PROM1: variants seen among roughly 807,000 people sequenced by gnomAD.
PROM1 encodes the protein prominin 1.
Under a neutral mutation model 116.9 loss-of-function variants are expected in PROM1, and 105 were observed. The observed-to-expected ratio is 0.90, with a 90% CI of 0.77 to 1.06. The LOEUF (loss-of-function observed/expected upper bound fraction) is 1.06, where lower values mean the gene tolerates loss of function less well. PROM1 is among the 50% of genes least tolerant of loss of function. PROM1 has a pLI of 0.00. For missense variants in PROM1, 1,122 were observed against 1,045.2 expected (o/e 1.07, Z -1.01); for synonymous variants, 393 against 387.0 (o/e 1.02, Z -0.18).
chr4:16,028,630 A>AT (rs1731949959), intron 5 of PROM1, among the ~76,000 whole-genome samples: 1 of 152,088 alleles, frequency 6.6e-6, no homozygotes, highest in Non-Finnish European at 1.5e-5. Context: ...TGTTCAGTGT[A>AT]TTTTTTAGCA....
chr4:16,048,542 T>C (rs993561614), intron 2 of PROM1, among the ~76,000 whole-genome samples: 4 of 152,122 alleles, frequency 2.6e-5, no homozygotes, highest in African/African-American at 9.7e-5. Context: ...CCTCCACAAA[T>C]ATAACAAAGT....
intron 8 of PROM1, among the ~76,000 whole-genome samples, chr4:16,021,680 C>A (rs887927775): frequency 6.6e-6 from 1 of 152,314 alleles, no homozygotes; most frequent in East Asian, 1.9e-4. Flanking sequence ...ATTTCCAATT[C>A]TCCCTCCAGA....
chr4:16,061,928 G>A (rs1740415211), intron 2 of PROM1, among the ~76,000 whole-genome samples: 1 of 128,376 alleles, frequency 7.8e-6, no homozygotes, highest in East Asian at 2.3e-4. Context: ...GTCTCGCTCT[G>A]TCGCCCAGGC....
intron 4 of PROM1, among the ~76,000 whole-genome samples, chr4:16,034,310 T>C (rs184440725): frequency 2.6e-5 from 4 of 152,298 alleles, no homozygotes; most frequent in Admixed American, 6.5e-5. Flanking sequence ...ACAAGGTTCC[T>C]CCTCTGATAC....
chr4:16,002,021 C>T (rs992555802), intron 13 of PROM1, among the ~76,000 whole-genome samples: 2 of 152,108 alleles, frequency 1.3e-5, no homozygotes, highest in African/African-American at 4.8e-5. Flanking sequence ...GCTTCTGGCA[C>T]TGCAGAGAAG....
chr4:16,075,985 A>G lies in PROM1; in HGVS notation c.-79T>C. On this transcript the variant is annotated 5_prime_UTR_variant, in exon 2 of 28. Transcript: ENST00000447510. ...GCTTCTGGAAGCCTTGGGGAAGGCA[A>G]GCGTGTTCCTGGGCAGAAGAGGAGC... 6.8e-7 allele frequency: 1 copy of G among 1,480,732 alleles called. No homozygotes were observed. The highest frequency in any genetic ancestry group is 1.4e-5 in the South Asian group (1 of 71,056). 91.7% of individuals were successfully genotyped at this position (1,480,732 alleles called of 1,614,324 possible). A position where few individuals can be genotyped will look rare whatever the true frequency, so the allele number is the denominator to read the frequency against.
intron 4 of PROM1, among the ~76,000 whole-genome samples, chr4:16,035,179 G>A (rs1733684314): frequency 6.6e-6 from 1 of 152,100 alleles, no homozygotes; most frequent in Admixed American, 6.6e-5. Context: ...CTTCCTCGAG[G>A]ACCAATACCA....
chr4:16,008,998 T>G lies in PROM1; in HGVS notation c.1252A>C (p.Ser418Arg). ...GTAGGTAAATTTCTGTGGATGTAACTTTCAGTGTTATTAACATAAACAGAG... is the reference window on the plus strand; with the variant it reads ...GTAGGTAAATTTCTGTGGATGTAACGTTCAGTGTTATTAACATAAACAGAG... ...AFSVYVNNTESYIHRNLPTLE... is the reference protein window; with the variant it reads ...AFSVYVNNTERYIHRNLPTLE... The change falls in exon 12 of 28, where the codon AGT becomes CGT. Residue 418 changes from serine (S) to arginine (R), a missense_variant. By Grantham distance (110) the Ser-to-Arg change is moderately radical. Coordinates refer to ENST00000447510, the MANE Select transcript of PROM1 (RefSeq NM_006017.3). The G allele has an allele frequency of 6.3e-7, 1 of 1,596,440 alleles. No individual in the cohort carries two copies. The highest frequency in any genetic ancestry group is 8.6e-7 in the Non-Finnish European group (1 of 1,164,696).
intron 25 of PROM1, among the ~76,000 whole-genome samples, 166 bp downstream of exon 25, chr4:15,979,715 G>A (rs1717266190): frequency 6.6e-6 from 1 of 152,096 alleles, no homozygotes; most frequent in Admixed American, 6.6e-5. Context: ...CACCCTCTAT[G>A]TGCCAACCCT....
intron 2 of PROM1, among the ~76,000 whole-genome samples, chr4:16,047,991 AT>A (rs1736931940): frequency 6.6e-6 from 1 of 152,230 alleles, no homozygotes; most frequent in Non-Finnish European, 1.5e-5. Context: ...GTTCAAATAA[AT>A]GCCTTTTGAA....
intron 2 of PROM1, among the ~76,000 whole-genome samples, chr4:16,049,357 C>T (rs1393102491): frequency 6.6e-6 from 1 of 152,176 alleles, no homozygotes; most frequent in African/African-American, 2.4e-5. Flanking sequence ...CAGCTGTCAA[C>T]AATGGCTTCC....
rs1725527070 is a variant in PROM1, at chr4:16,006,528, A to C, written c.1454+10T>G. The stretch of plus-strand genomic sequence containing the variant: ...CCACTCCCACATGACAGAGAGGAGC[A>C]GACACTCACACCATGAGGAAGACGC... On this transcript the variant is annotated intron_variant, in intron 13 of 27. Coordinates refer to ENST00000447510, the MANE Select transcript of PROM1 (RefSeq NM_006017.3). The C allele has an allele frequency of 6.3e-7, 1 of 1,579,384 alleles. No individual in the cohort carries two copies. Among genetic ancestry groups the C allele is most frequent in the Non-Finnish European group, 8.6e-7 (1 of 1,163,300 alleles).
chr4:16,004,765 TCTC>T (rs1363286912), intron 13 of PROM1, among the ~76,000 whole-genome samples: 1 of 152,084 alleles, frequency 6.6e-6, no homozygotes, highest in Non-Finnish European at 1.5e-5. Context: ...AGATGTGATT[TCTC>T]CTTTTTTTCT....
chr4:16,005,149 C>T lies in PROM1; in HGVS notation c.1454+1389G>A, dbSNP rs140586847. On this transcript the variant is annotated intron_variant, in intron 13 of 27. Coordinates refer to ENST00000447510, the MANE Select transcript of PROM1 (RefSeq NM_006017.3). ...AGCTAATTTTTGTATTTTTAGTAGA[C>T]ATGGGGTTTCACCATGTTGGTCAGG... 4.8e-3 allele frequency among the ~76,000 whole-genome samples: 732 copies of T among 151,812 alleles called. 28 individuals carry two copies. In the East Asian group the frequency reaches 0.11, roughly 22 times the overall value.
At chr4:16,004,832 T>TCTTC (rs561919636) in intron 13 of PROM1, among the ~76,000 whole-genome samples, 5,640 of 122,468 alleles carry the variant, frequency 0.046, 191 homozygotes, top group Middle Eastern at 0.15. Context: ...TCTTTCTTTT[T>TCTTC]CTTCCTTCCT....
At position 15,987,656 on chromosome 4, in the gene PROM1, C is replaced by A; in HGVS notation, c.2130+7G>T. On this transcript the variant is annotated splice_region_variant and intron_variant, in intron 20 of 27. Transcript: ENST00000447510. ...ACCCCATGACAGAAAACAAAGTAAACCCTTACCAACAATCCATTCCCTGTG... is the reference window on the plus strand; with the variant it reads ...ACCCCATGACAGAAAACAAAGTAAAACCTTACCAACAATCCATTCCCTGTG... 4 of 1,608,644 alleles carry A rather than the reference C, an allele frequency of 2.5e-6. No individual in the cohort carries two copies. The highest frequency in any genetic ancestry group is 2.5e-6 in the Non-Finnish European group (3 of 1,177,670).
chr4:16,067,502 A>G (rs1308744145), intron 2 of PROM1, among the ~76,000 whole-genome samples: 2 of 152,310 alleles, frequency 1.3e-5, no homozygotes, highest in South Asian at 2.1e-4. Flanking sequence ...GCGGGCACAC[A>G]GTGAGTGGTG....
rs1734567318 is a variant in PROM1, at chr4:16,038,997, A to C, written c.225T>G (p.Thr75=). The C allele has an allele frequency of 2.0e-6, 3 of 1,494,862 alleles. No individual in the cohort carries two copies. Among genetic ancestry groups the C allele is most frequent in the Non-Finnish European group, 2.7e-6 (3 of 1,121,152 alleles). The allele number at this position is 1,494,862 out of a possible 1,614,324, so 92.6% of individuals were successfully genotyped here. A position where few individuals can be genotyped will look rare whatever the true frequency, so the allele number is the denominator to read the frequency against. Residue 75 remains threonine (T), a synonymous_variant, in exon 3 of 28, where the codon ACT becomes ACG. Transcript: ENST00000447510. ...ATGCCTTCTGTAAGAATTTTCTCAA[A>C]GTATCTGGAAAAAAAGCCACAAAAT... The part of the protein sequence containing the change: ...VVQPRDFPED[T]LRKFLQKAYE...
chr4:16,079,862 A>G (rs112480360), intron 1 of PROM1: 1 of 151,822 alleles, frequency 6.6e-6, no homozygotes, highest in African/African-American at 2.4e-5. Flanking sequence ...AAGCTCCCCA[A>G]ATGCCCTTTT....
Sources: allele counts gnomAD v4.1 joint callset (sites outside exome capture counted in the v4.1 genomes callset), GRCh38; gene constraint gnomAD v4.1.1; transcripts MANE v1.5; gene names NCBI Gene and HGNC (gene_info 2026-07-23, HGNC 2026-07-21).